The following RELN variants were observed in gnomAD, a reference collection of about 807,000 sequenced individuals.
The protein encoded by RELN is reelin.
Under a neutral mutation model 427.6 loss-of-function variants are expected in RELN, and 108 were observed. The ratio of observed to expected loss-of-function variants is 0.25; its 90% CI spans 0.22 to 0.30. The LOEUF (loss-of-function observed/expected upper bound fraction) is 0.30. Among genes scored for constraint, RELN ranks in the 10% least tolerant of loss-of-function variants. RELN has a pLI of 1.00. For synonymous variants in RELN, 1,524 were observed against 1,513.4 expected (o/e 1.01, Z -0.16); for missense variants, 3,715 against 4,302.8 (o/e 0.86, Z 3.82).
At chr7:103,729,471 C>T (rs1023927382) in intron 6 of RELN, among the ~76,000 whole-genome samples, 6 of 152,122 alleles carry the variant, frequency 3.9e-5, no homozygotes, top group East Asian at 1.9e-4. Context: ...TCTTTTGAGC[C>T]GTGTTTCCAC....
chr7:103,809,445 G>A (rs765921086), intron 3 of RELN, among the ~76,000 whole-genome samples: 2 of 148,298 alleles, frequency 1.3e-5, no homozygotes, highest in Non-Finnish European at 3.0e-5. Context: ...TACAGGCCTC[G>A]CGAGCAGCCA....
intron 28 of RELN, among the ~76,000 whole-genome samples, chr7:103,576,082 G>C (rs1830995212): frequency 6.6e-6 from 1 of 152,100 alleles, no homozygotes; most frequent in African/African-American, 2.4e-5. Context: ...AATAGAAAAA[G>C]TAGCCGGGCG....
intron 2 of RELN, among the ~76,000 whole-genome samples, chr7:103,847,158 C>T (rs184548516): frequency 2.9e-4 from 44 of 152,238 alleles, no homozygotes; most frequent in Admixed American, 3.9e-4. Flanking sequence ...AGCAAAGCCT[C>T]GGAACCAACC....
intron 1 of RELN, among the ~76,000 whole-genome samples, chr7:103,986,048 C>CA (rs1228949539): frequency 2.6e-4 from 38 of 147,918 alleles, no homozygotes; most frequent in Admixed American, 8.1e-4. Flanking sequence ...AGGATTTGTG[C>CA]AAAAAAAAAG....
At chr7:103,907,257 A>T (rs897860901) in intron 2 of RELN, among the ~76,000 whole-genome samples, 5 of 151,654 alleles carry the variant, frequency 3.3e-5, no homozygotes, top group Non-Finnish European at 7.4e-5. Flanking sequence ...CTCTACTAAA[A>T]ACACAAAAAT....
intron 16 of RELN, among the ~76,000 whole-genome samples, chr7:103,642,543 A>G (rs569828774): frequency 1.2e-4 from 18 of 152,140 alleles, no homozygotes; most frequent in Non-Finnish European, 2.2e-4. Context: ...TGTGCATTCC[A>G]TATATCTTTA....
At chr7:103,558,342 C>CT (rs1302340745) in intron 36 of RELN, among the ~76,000 whole-genome samples, 2 of 152,074 alleles carry the variant, frequency 1.3e-5, no homozygotes, top group African/African-American at 2.4e-5. Flanking sequence ...ATCTACAGGC[C>CT]TTTTTTAAAA....
Position 103,745,350 on chromosome 7 carries a change from G to A in RELN, c.656+4076C>T, listed in dbSNP as rs200822632. Among the ~76,000 whole-genome samples, 10 of 151,892 alleles carry A rather than the reference G, an allele frequency of 6.6e-5. No homozygotes were observed. In the East Asian group the frequency reaches 9.6e-4, roughly 15 times the overall value. ...AACTGGAAGCATTCTCTTTGAAAAC[G>A]GGCACAAGACAGGGAAGCCCTCTCT... On this transcript the variant is annotated intron_variant, in intron 6 of 64. Coordinates refer to ENST00000428762, the MANE Select transcript of RELN (RefSeq NM_005045.4).
At position 103,561,783 on chromosome 7, in the gene RELN, A is replaced by G. The variant is rs751504320; in HGVS notation, c.5351+30T>C. 3.1e-6 allele frequency: 5 copies of G among 1,613,860 alleles called. No homozygotes were observed. In the Admixed American group the frequency reaches 8.3e-5, roughly 27 times the overall value. On this transcript the variant is annotated intron_variant, in intron 35 of 64. Coordinates refer to ENST00000428762, the MANE Select transcript of RELN (RefSeq NM_005045.4). ...AGCCATATTTATTTTTGCGTTACAA[A>G]GAAAGAAACTGTCAGTTTTATTAAC...
At chr7:103,635,190 A>T (rs1832551872) in intron 19 of RELN, among the ~76,000 whole-genome samples, 1 of 152,124 alleles carries the variant, frequency 6.6e-6, no homozygotes, top group African/African-American at 2.4e-5. Flanking sequence ...AAGCATCAAA[A>T]TATTTCCCTT....
At chr7:103,523,302 G>C in intron 47 of RELN, 89 bp downstream of exon 47, 3 of 1,428,606 alleles carry the variant, frequency 2.1e-6, no homozygotes, top group Non-Finnish European at 3.0e-6. Flanking sequence ...GGAAGCATGG[G>C]AGTGATTCAA....
chr7:103,829,297 C>T (rs912406341), intron 3 of RELN, among the ~76,000 whole-genome samples: 2 of 151,118 alleles, frequency 1.3e-5, no homozygotes, highest in African/African-American at 4.9e-5. Flanking sequence ...TCTTTCTTTC[C>T]TTCCCTCTTT....
chr7:103,952,450 A>T (rs1796350897), intron 1 of RELN, among the ~76,000 whole-genome samples: 1 of 152,178 alleles, frequency 6.6e-6, no homozygotes, highest in Non-Finnish European at 1.5e-5. Context: ...AACAACTTTC[A>T]TTTCCAGTTT....
intron 12 of RELN, among the ~76,000 whole-genome samples, chr7:103,655,891 C>T (rs1833013499): frequency 6.6e-6 from 1 of 151,996 alleles, no homozygotes; most frequent in Non-Finnish European, 1.5e-5. Flanking sequence ...TTTTTTGATC[C>T]CATAAACATT....
intron 2 of RELN, among the ~76,000 whole-genome samples, chr7:103,888,489 T>C (rs1384300320): frequency 1.3e-5 from 2 of 152,176 alleles, no homozygotes; most frequent in African/African-American, 2.4e-5. Flanking sequence ...TCCTCGATGA[T>C]AGTACACTTA....
chr7:103,928,882 T>C (rs1263697930), intron 1 of RELN, among the ~76,000 whole-genome samples: 1 of 152,216 alleles, frequency 6.6e-6, no homozygotes, highest in African/African-American at 2.4e-5. Context: ...GGTCACTGTA[T>C]GTTCTGGCTG....
intron 27 of RELN, among the ~76,000 whole-genome samples, chr7:103,590,590 A>AAATC (rs1831389688): frequency 6.6e-6 from 1 of 151,058 alleles, no homozygotes; most frequent in African/African-American, 2.4e-5. Context: ...ATAAATAAAT[A>AAATC]AATAAATAAA....
At chr7:103,618,499 A>G (rs1429654316) in intron 20 of RELN, among the ~76,000 whole-genome samples, 2 of 152,258 alleles carry the variant, frequency 1.3e-5, no homozygotes, top group East Asian at 3.8e-4. Flanking sequence ...CTAAGTGGAT[A>G]GACAACTTCT....
chr7:103,739,985 C>T (rs1038604077), intron 6 of RELN, among the ~76,000 whole-genome samples: 1 of 152,146 alleles, frequency 6.6e-6, no homozygotes, highest in Non-Finnish European at 1.5e-5. Context: ...CAAAGCCGGG[C>T]TGTGTGGACT....
Sources: gnomAD v4.1 joint callset for allele counts (sites outside exome capture counted in the v4.1 genomes callset) on GRCh38, gnomAD v4.1.1 for gene constraint, MANE v1.5 for transcripts, NCBI Gene and HGNC (gene_info 2026-07-23, HGNC 2026-07-21) for gene names.